GALNT10: variants seen among roughly 807,000 people sequenced by gnomAD.
The protein encoded by GALNT10 is GalNAc transferase 10.
In GALNT10, 41 loss-of-function variants were observed where a neutral mutation model predicts 75.0. That is an observed-to-expected ratio of 0.55 (90% CI 0.43 to 0.71). The LOEUF is 0.71. Ranked by LOEUF, GALNT10 falls within the 30% of genes least tolerant of loss-of-function variation. GALNT10 has a pLI of 0.00. For missense variants in GALNT10, 727 were observed against 818.5 expected (o/e 0.89, Z 1.36); for synonymous variants, 302 against 313.0 (o/e 0.96, Z 0.37).
intron 4 of GALNT10, among the ~76,000 whole-genome samples, chr5:154,374,939 T>G (rs997352752): frequency 6.6e-6 from 1 of 152,236 alleles, no homozygotes; most frequent in Non-Finnish European, 1.5e-5. Context: ...TTAGAAATGA[T>G]ACCAATTTTT....
chr5:154,414,290 T>TA (rs1756460281), intron 10 of GALNT10, among the ~76,000 whole-genome samples: 1 of 152,190 alleles, frequency 6.6e-6, no homozygotes, highest in Admixed American at 6.5e-5. Context: ...CATGTGTCCA[T>TA]ACAAAGACTT....
At chr5:154,341,034 T>C (rs1219432375) in intron 4 of GALNT10, among the ~76,000 whole-genome samples, 2 of 152,246 alleles carry the variant, frequency 1.3e-5, no homozygotes, top group Non-Finnish European at 2.9e-5. Flanking sequence ...TCTCTTGTTT[T>C]ACTGTCTCAA....
At chr5:154,397,190 CTT>C (rs11349379) in intron 7 of GALNT10, among the ~76,000 whole-genome samples, 8,993 of 142,570 alleles carry the variant, frequency 0.063, 365 homozygotes, top group East Asian at 0.14. Flanking sequence ...TTCTTTTCTA[CTT>C]TTTTTTTTTT....
At chr5:154,381,176 A>C (rs185500491) in intron 6 of GALNT10, among the ~76,000 whole-genome samples, 6 of 152,308 alleles carry the variant, frequency 3.9e-5, no homozygotes, top group Admixed American at 3.3e-4. Context: ...GTGTAAGGAA[A>C]ATAGCAGTTT....
At position 154,376,545 on chromosome 5, in the gene GALNT10, C is replaced by A; in HGVS notation, c.754+83C>A. 1 of 977,444 alleles carries A rather than the reference C, an allele frequency of 1.0e-6. No homozygotes were observed. The highest frequency in any genetic ancestry group is 1.5e-6 in the Non-Finnish European group (1 of 660,798). The allele number at this position is 977,444 out of a possible 1,614,324, so 60.5% of individuals were successfully genotyped here. A position where few individuals can be genotyped will look rare whatever the true frequency, so the allele number is the denominator to read the frequency against. On this transcript the variant is annotated intron_variant, in intron 5 of 11. Transcript: ENST00000297107. This position sits in a 1 kb window ranked among gnomAD's most constrained non-coding sequence, Gnocchi z 4.1. ...CCCCCTCCTGCTGCAGGGAGCCATC[C>A]ATAAGCCTTCCCTTGCCTGTTCGAG...
At chr5:154,366,189 TC>T (rs1755471107) in intron 4 of GALNT10, among the ~76,000 whole-genome samples, 1 of 152,276 alleles carries the variant, frequency 6.6e-6, no homozygotes, top group Non-Finnish European at 1.5e-5. Context: ...TGGCTTCTTC[TC>T]TGTCTTCTTG....
At chr5:154,293,605 A>AT (rs1418078654) in intron 1 of GALNT10, among the ~76,000 whole-genome samples, 3 of 121,010 alleles carry the variant, frequency 2.5e-5, no homozygotes, top group Admixed American at 1.6e-4. Flanking sequence ...ATATATATAT[A>AT]TATATATATT....
intron 1 of GALNT10, among the ~76,000 whole-genome samples, chr5:154,263,190 T>A (rs1399854870): frequency 1.3e-5 from 2 of 152,166 alleles, no homozygotes; most frequent in Admixed American, 6.5e-5. Context: ...CAGAAAAACT[T>A]GTACATGAGT....
intron 3 of GALNT10, among the ~76,000 whole-genome samples, chr5:154,308,542 C>T (rs374474661): frequency 4.6e-5 from 7 of 152,208 alleles, no homozygotes; most frequent in African/African-American, 1.2e-4. Context: ...GCATCCCTGT[C>T]GGAGACCCTG....
In GALNT10 at chr5:154,218,978, CA is replaced by C. The variant is rs558035543; in HGVS notation, c.159+27957del. On this transcript the variant is annotated intron_variant, in intron 1 of 11. Coordinates refer to ENST00000297107, the MANE Select transcript of GALNT10 (RefSeq NM_198321.4). ...CACACAGCAACCAGAGTGATCTTTC[CA>C]AAACACATCTGGTCATGTCCTTACC... is the stretch of plus-strand genomic sequence containing the variant. Among the ~76,000 whole-genome samples, 17 of 152,284 alleles carry C rather than the reference CA, an allele frequency of 1.1e-4. No individual in the cohort carries two copies. The South Asian group carries it at 3.5e-3, about 32-fold the overall frequency.
chr5:154,214,144 A>G (rs1752828702), intron 1 of GALNT10, among the ~76,000 whole-genome samples: 1 of 151,770 alleles, frequency 6.6e-6, no homozygotes, highest in African/African-American at 2.4e-5. Flanking sequence ...AACCACTTCC[A>G]CCCACACCTT....
chr5:154,228,226 T>C (rs950932712), intron 1 of GALNT10, among the ~76,000 whole-genome samples: 2 of 152,232 alleles, frequency 1.3e-5, no homozygotes, highest in Non-Finnish European at 2.9e-5. Context: ...AGTATGTCTT[T>C]ATAGCAATGC....
At chr5:154,311,422 T>C (rs1754516040) in intron 3 of GALNT10, among the ~76,000 whole-genome samples, 1 of 152,212 alleles carries the variant, frequency 6.6e-6, no homozygotes, top group Admixed American at 6.5e-5. Context: ...ATGGGGAACA[T>C]CACTAGCTCC....
chr5:154,381,948 C>A (rs1755741270), intron 6 of GALNT10, among the ~76,000 whole-genome samples: 1 of 152,232 alleles, frequency 6.6e-6, no homozygotes, highest in Non-Finnish European at 1.5e-5. Context: ...AGATCCTTAA[C>A]CTTAATCACA....
At chr5:154,218,915 T>C (rs1752925275) in intron 1 of GALNT10, among the ~76,000 whole-genome samples, 1 of 152,146 alleles carries the variant, frequency 6.6e-6, no homozygotes, top group South Asian at 2.1e-4. Context: ...AGCCTCTTCT[T>C]CTGTTTTCCT....
At chr5:154,361,636 C>T (rs901436520) in intron 4 of GALNT10, among the ~76,000 whole-genome samples, 31 of 152,196 alleles carry the variant, frequency 2.0e-4, no homozygotes, top group African/African-American at 7.5e-4. Flanking sequence ...GAAGGATGAC[C>T]TTTTGGTCCA....
At chr5:154,283,103 C>T (rs1477843594) in intron 1 of GALNT10, among the ~76,000 whole-genome samples, 2 of 151,960 alleles carry the variant, frequency 1.3e-5, no homozygotes, top group Admixed American at 6.6e-5. Context: ...GTGGTTGCAC[C>T]TCACACATCC....
chr5:154,348,758 C>A (rs780074463), intron 4 of GALNT10, among the ~76,000 whole-genome samples: 2 of 152,108 alleles, frequency 1.3e-5, no homozygotes, highest in Non-Finnish European at 2.9e-5. Flanking sequence ...AATCCTAGGA[C>A]CCTATGATGA....
At chr5:154,385,162 ATT>A (rs200849373) in intron 6 of GALNT10, among the ~76,000 whole-genome samples, 3,387 of 152,122 alleles carry the variant, frequency 0.022, 59 homozygotes, top group South Asian at 0.054. Context: ...GAATGTTTGG[ATT>A]TGAGGGTTTG....
Sources: gnomAD v4.1 joint callset for allele counts (sites outside exome capture counted in the v4.1 genomes callset) on GRCh38, gnomAD v4.1.1 for gene constraint, Gnocchi (gnomAD v3.1) non-coding constraint, MANE v1.5 for transcripts, NCBI Gene and HGNC (gene_info 2026-07-23, HGNC 2026-07-21) for gene names.